Variants in IL26 observed in about 807,000 individuals in gnomAD.
The protein encoded by IL26 is interleukin-26.
In IL26, 23 loss-of-function variants were observed where a neutral mutation model predicts 21.7. The ratio of observed to expected loss-of-function variants is 1.06; its 90% CI spans 0.76 to 1.50. The LOEUF (loss-of-function observed/expected upper bound fraction) is 1.50. Ranked by LOEUF, IL26 falls within the 40% of genes most tolerant of loss-of-function variation. The pLI, the probability that IL26 is intolerant of heterozygous loss-of-function variation, is 0.00. For missense variants in IL26, 204 were observed against 196.0 expected (o/e 1.04, Z -0.24); for synonymous variants, 63 against 67.8 (o/e 0.93, Z 0.34).
chr12:68,212,959 G>A (rs1868775331), intron 3 of IL26, among the ~76,000 whole-genome samples: 1 of 152,076 alleles, frequency 6.6e-6, no homozygotes. Flanking sequence ...GGTCAAACTT[G>A]TCCTGTTCCA....
chr12:68,217,740 T>C (rs1868925645), intron 3 of IL26, among the ~76,000 whole-genome samples: 1 of 152,178 alleles, frequency 6.6e-6, no homozygotes, highest in Non-Finnish European at 1.5e-5. Flanking sequence ...TAAAGTGTTC[T>C]AGCTAAAACA....
At chr12:68,213,268 A>G (rs1050599636) in intron 3 of IL26, among the ~76,000 whole-genome samples, 1 of 152,006 alleles carries the variant, frequency 6.6e-6, no homozygotes, top group South Asian at 2.1e-4. Flanking sequence ...GTGTTGTTGA[A>G]TTTGGTTTGC....
chr12:68,216,978 CTG>C (rs1425048479), intron 3 of IL26, among the ~76,000 whole-genome samples: 1 of 152,134 alleles, frequency 6.6e-6, no homozygotes, highest in East Asian at 1.9e-4. Flanking sequence ...TCTTTCAAGT[CTG>C]AGAGTATTTG....
chr12:68,216,828 T>C (rs969658906), intron 3 of IL26, among the ~76,000 whole-genome samples: 4 of 152,216 alleles, frequency 2.6e-5, no homozygotes, highest in Non-Finnish European at 5.9e-5. Flanking sequence ...TAAATACCAA[T>C]TACTGTTCAG....
intron 3 of IL26, among the ~76,000 whole-genome samples, chr12:68,206,995 T>C (rs1443923399): frequency 6.6e-5 from 10 of 152,236 alleles, no homozygotes; most frequent in Non-Finnish European, 1.5e-4. Flanking sequence ...TAAATTGTCA[T>C]ATAATGACTT....
chr12:68,209,763 T>C (rs11571039), intron 3 of IL26, among the ~76,000 whole-genome samples: 2,663 of 152,164 alleles, frequency 0.018, 70 homozygotes, highest in African/African-American at 0.06. Context: ...ACCAATAATT[T>C]GAGGAAAGGA....
chr12:68,224,231 C>T (rs1869158321), intron 3 of IL26, among the ~76,000 whole-genome samples: 1 of 152,136 alleles, frequency 6.6e-6, no homozygotes, highest in Non-Finnish European at 1.5e-5. Context: ...AGAAAAGCTT[C>T]AATATTCCCC....
At chr12:68,216,676 A>T (rs1868894257) in intron 3 of IL26, among the ~76,000 whole-genome samples, 1 of 152,240 alleles carries the variant, frequency 6.6e-6, no homozygotes, top group African/African-American at 2.4e-5. Context: ...TTATTTTACA[A>T]GTTGATAAGC....
Position 68,225,586 on chromosome 12 carries a change from T to A in IL26, c.171A>T (p.Pro57=). 6.2e-7 allele frequency: 1 copy of A among 1,613,994 alleles called. No individual in the cohort carries two copies. Among genetic ancestry groups the A allele is most frequent in the Non-Finnish European group, 8.5e-7 (1 of 1,179,884 alleles). ...ATTTTAAGCAGAGCCTAATACTTACTGGAATCGTTGCTTTGAGCCATGCTG... is the reference window on the plus strand; with the variant it reads ...ATTTTAAGCAGAGCCTAATACTTACAGGAATCGTTGCTTTGAGCCATGCTG... ...IKAAWLKATI[P]EDRIKNIRLL... The change falls in exon 1 of 5, where the codon CCA becomes CCT. Residue 57 remains proline (P), a splice_region_variant and synonymous_variant. Transcript: ENST00000229134.
intron 3 of IL26, among the ~76,000 whole-genome samples, chr12:68,221,966 T>C (rs1199335094): frequency 6.6e-6 from 1 of 152,006 alleles, no homozygotes; most frequent in Non-Finnish European, 1.5e-5. Context: ...TAATTCAGCA[T>C]GTAATCAACA....
rs1869205504 is a variant in IL26 at position 68,225,222 on chromosome 12, A to G, written c.290T>C (p.Leu97Pro). The G allele has an allele frequency of 6.2e-7, 1 of 1,613,872 alleles. No homozygotes were observed. The highest frequency in any genetic ancestry group is 1.1e-5 in the South Asian group (1 of 90,964). ...SFFMEDVFGQ[L>P]QLQGCKKIRF... ...TATTTTCTTGCAGCCTTGCAATTGC[A>G]GTTGACCAAAAACGTCTTCCATGAA... The change falls in exon 3 of 5, where the codon CTG (leucine) becomes CCG (proline). Residue 97 changes from leucine (L) to proline (P), a missense_variant. Physicochemically the swap from Leu to Pro is moderately conservative, Grantham distance 98. Coordinates refer to ENST00000229134, the MANE Select transcript of IL26 (RefSeq NM_018402.2).
At chr12:68,214,909 T>G (rs918147723) in intron 3 of IL26, among the ~76,000 whole-genome samples, 4 of 151,628 alleles carry the variant, frequency 2.6e-5, no homozygotes, top group Admixed American at 1.3e-4. Flanking sequence ...TTTCATTTTG[T>G]TTTTTTTAAC....
At position 68,225,698 on chromosome 12, in the gene IL26, A is replaced by G; in HGVS notation, c.59T>C (p.Ile20Thr). The G allele has an allele frequency of 6.2e-7, 1 of 1,614,074 alleles. No homozygotes were observed. The highest frequency in any genetic ancestry group is 1.1e-5 in the South Asian group (1 of 91,084). Residue 20 changes from isoleucine (I) to threonine (T), a missense_variant, in exon 1 of 5, where the codon ATT becomes ACT. Transcript: ENST00000229134. ...GLLLVTLSLA[I>T]AKHKQSSFTK... ...GAAGGAAGATTGCTTGTGCTTGGCA[A>G]TGGCAAGAGACAGAGTGACTAACAG... is the stretch of plus-strand genomic sequence containing the variant.
chr12:68,212,443 G>A (rs1172692874), intron 3 of IL26, among the ~76,000 whole-genome samples: 2 of 152,006 alleles, frequency 1.3e-5, no homozygotes, highest in Non-Finnish European at 2.9e-5. Flanking sequence ...GAAGTATCTT[G>A]ATAGAAATTG....
rs553902047 is a variant in IL26 at position 68,208,942 on chromosome 12, G to A, written c.364-6859C>T. ...AATCAACAAATAAAATGCAGGCATC[G>A]ACTTACTGCCTCAGGGTCCACAAGC... On this transcript the variant is annotated intron_variant, in intron 3 of 4. Transcript: ENST00000229134. Among the ~76,000 whole-genome samples the A allele has an allele frequency of 1.1e-4, 16 of 152,260 alleles. No homozygotes were observed. In the South Asian group the frequency reaches 2.9e-3, roughly 28 times the overall value.
chr12:68,219,940 A>T (rs571567096), intron 3 of IL26, among the ~76,000 whole-genome samples: 64 of 152,208 alleles, frequency 4.2e-4, no homozygotes, highest in African/African-American at 1.5e-3. Context: ...ATGAAAAATT[A>T]TCTGGCTATA....
intron 3 of IL26, among the ~76,000 whole-genome samples, chr12:68,222,815 G>A (rs1323291308): frequency 2.0e-5 from 3 of 152,118 alleles, no homozygotes; most frequent in African/African-American, 7.2e-5. Context: ...GACGGCAGGG[G>A]AAATACGGCA....
At chr12:68,225,358 T>C in intron 2 of IL26, 75 bp from the exon 3 acceptor site, 1 of 1,535,144 alleles carries the variant, frequency 6.5e-7, no homozygotes, top group Non-Finnish European at 8.9e-7. Context: ...CATTACTTAA[T>C]TACTCTCTGA....
At chr12:68,219,128 A>G (rs1868974875) in intron 3 of IL26, among the ~76,000 whole-genome samples, 1 of 151,852 alleles carries the variant, frequency 6.6e-6, no homozygotes, top group Non-Finnish European at 1.5e-5. Flanking sequence ...TGATAAAACA[A>G]GTAGAAAAAA....
Sources: gnomAD v4.1 joint callset for allele counts (sites outside exome capture counted in the v4.1 genomes callset) on GRCh38, gnomAD v4.1.1 for gene constraint, MANE v1.5 for transcripts, NCBI Gene and HGNC (gene_info 2026-07-23, HGNC 2026-07-21) for gene names.